Variants in MED13 observed in about 807,000 individuals in gnomAD.
MED13 encodes mediator of RNA polymerase II transcription subunit 13.
MED13 carries 23 observed loss-of-function variants against 225.2 expected under a neutral mutation model. The observed-to-expected ratio is 0.10, with a 90% confidence interval of 0.07 to 0.14. MED13 has a LOEUF of 0.14. MED13 is among the 10% of genes least tolerant of loss of function. MED13 has a pLI of 1.00. For missense variants in MED13, 2,197 were observed against 2,594.5 expected (o/e 0.85, Z 3.33); for synonymous variants, 942 against 889.2 (o/e 1.06, Z -1.06).
rs1213178456 is a variant in MED13 at position 61,956,427 on chromosome 17, C to A, written c.5535G>T (p.Glu1845Asp). Residue 1845 changes from glutamate to aspartate, a missense_variant, in exon 24 of 30, where the codon GAG (glutamate) becomes GAT (aspartate). Coordinates refer to ENST00000397786, the MANE Select transcript of MED13 (RefSeq NM_005121.3). ...ARKFGLQKLW[E>D]WCLGLVQMSS... The stretch of plus-strand genomic sequence containing the variant: ...TCATTTGTACAAGTCCTAAGCACCA[C>A]TCCCAAAGTTTCTGTAGACCAAATT... 1 of 1,613,594 alleles carries A rather than the reference C, an allele frequency of 6.2e-7. No individual in the cohort carries two copies. Among genetic ancestry groups the A allele is most frequent in the Admixed American group, 1.7e-5 (1 of 59,952 alleles).
intron 9 of MED13, chr17:62,005,456 AT>A (rs1330258526): frequency 1.3e-5 from 2 of 152,042 alleles, no homozygotes; most frequent in Non-Finnish European, 2.9e-5. Flanking sequence ...AAATACAAAA[AT>A]TATCTGATCG....
intron 3 of MED13, among the ~76,000 whole-genome samples, chr17:62,047,027 G>A (rs1160773076): frequency 2.3e-5 from 3 of 129,870 alleles, no homozygotes; most frequent in East Asian, 3.2e-4. Flanking sequence ...GTGCCACTGT[G>A]CCCAGCTTTT....
At chr17:62,045,232 G>C (rs2143729595) in intron 3 of MED13, among the ~76,000 whole-genome samples, 1 of 152,206 alleles carries the variant, frequency 6.6e-6, no homozygotes, top group Non-Finnish European at 1.5e-5. Context: ...TTCTTTACTA[G>C]TATGTTTCTA....
Position 62,032,787 on chromosome 17 carries a change from A to T in MED13, c.814+1000T>A, listed in dbSNP as rs1020073301. ...CTGCTATGAGATTAACATGTCCCAG[A>T]TGTGGGTACTTTGTTAACCTGGGTC... On this transcript the variant is annotated intron_variant, in intron 5 of 29. Transcript: ENST00000397786. 3.9e-5 allele frequency among the ~76,000 whole-genome samples: 6 copies of T among 152,306 alleles called. No individual in the cohort carries two copies. In the East Asian group the frequency reaches 1.2e-3, roughly 29 times the overall value.
intron 16 of MED13, among the ~76,000 whole-genome samples, chr17:61,975,897 T>A (rs2080151452): frequency 6.6e-6 from 1 of 152,126 alleles, no homozygotes. Context: ...GAGCCTGTAA[T>A]CCCAGTTACT....
intron 23 of MED13, among the ~76,000 whole-genome samples, chr17:61,958,721 C>T (rs1301141070): frequency 6.6e-6 from 1 of 152,136 alleles, no homozygotes; most frequent in Non-Finnish European, 1.5e-5. Flanking sequence ...GATCCGCCCA[C>T]CTTGCCCTCC....
At chr17:62,046,231 A>C (rs1603408586) in intron 3 of MED13, among the ~76,000 whole-genome samples, 2 of 152,232 alleles carry the variant, frequency 1.3e-5, no homozygotes, top group South Asian at 4.1e-4. Context: ...AATAACTTAA[A>C]GATAGACTTA....
chr17:62,037,955 C>CAAAAA lies in MED13; in HGVS notation c.471-2352_471-2348dup, dbSNP rs397857634. ...TGGGCAACAGAGTGAGACTTCATCT[C>CAAAAA]AAAAAAAAAAAAAAAAAAAAAAAAA... On this transcript the variant is annotated intron_variant, in intron 3 of 29. Transcript: ENST00000397786. Among the ~76,000 whole-genome samples, 514 of 64,750 alleles carry CAAAAA rather than the reference C, an allele frequency of 7.9e-3. 32 individuals carry two copies. Among genetic ancestry groups the CAAAAA allele is most frequent in the East Asian group, 0.021 (44 of 2,058 alleles). 42.5% of individuals were successfully genotyped at this position (64,750 alleles called of 152,430 possible). A position where few individuals can be genotyped will look rare whatever the true frequency, so the allele number is the denominator to read the frequency against.
chr17:62,015,860 A>AGT (rs1226381654), intron 8 of MED13, among the ~76,000 whole-genome samples: 4 of 93,358 alleles, frequency 4.3e-5, no homozygotes, highest in African/African-American at 1.8e-4. Flanking sequence ...ATATGTGTAT[A>AGT]GTGTGTATGT....
chr17:61,998,495 A>C (rs2080364533), intron 9 of MED13, among the ~76,000 whole-genome samples: 1 of 151,752 alleles, frequency 6.6e-6, no homozygotes, highest in African/African-American at 2.4e-5. Context: ...CTTCCAGATG[A>C]GGTATGACAG....
chr17:62,003,207 T>C (rs1043579686), intron 9 of MED13, among the ~76,000 whole-genome samples: 2 of 152,218 alleles, frequency 1.3e-5, no homozygotes, highest in African/African-American at 4.8e-5. Context: ...ATTCCATAAA[T>C]GCTTCTTAGT....
At chr17:62,008,513 T>C (rs575426548) in intron 9 of MED13, among the ~76,000 whole-genome samples, 2 of 152,076 alleles carry the variant, frequency 1.3e-5, no homozygotes, top group East Asian at 3.9e-4. Flanking sequence ...ACACATTTCT[T>C]CTGAAGATAC....
intron 19 of MED13, among the ~76,000 whole-genome samples, chr17:61,966,228 T>A (rs1405366881): frequency 6.6e-6 from 1 of 152,188 alleles, no homozygotes; most frequent in Non-Finnish European, 1.5e-5. Context: ...GATCCCTCAT[T>A]AGGGATCAGC....
intron 16 of MED13, among the ~76,000 whole-genome samples, chr17:61,977,608 C>A (rs1319703101): frequency 1.3e-5 from 2 of 152,066 alleles, no homozygotes; most frequent in East Asian, 3.9e-4. Context: ...CCCGCCACCA[C>A]GCCTGGCTAA....
chr17:61,948,445 G>T (rs1372764614), intron 28 of MED13, among the ~76,000 whole-genome samples: 1 of 152,076 alleles, frequency 6.6e-6, no homozygotes, highest in East Asian at 1.9e-4. Flanking sequence ...CTATTAACAG[G>T]TGTTAAATAA....
At chr17:62,003,599 C>CAAAAAAAAAAAAAAAAAAAAAAACAA (rs34451831) in intron 9 of MED13, 6 of 51,722 alleles carry the variant, frequency 1.2e-4, no homozygotes, top group Admixed American at 2.9e-4. Flanking sequence ...CAGCAAAACT[C>CAAAAAAAAAAAAAAAAAAAAAAACAA]AAAAAAAAAA....
chr17:62,033,749 T>C (rs766137091), intron 5 of MED13, 38 bp downstream of exon 5: 6 of 1,583,194 alleles, frequency 3.8e-6, no homozygotes, highest in Non-Finnish European at 5.2e-6. Flanking sequence ...CATACAATCA[T>C]GCATTTTCCC....
In MED13 at chr17:61,964,486, G is replaced by T. The variant is rs188226373; in HGVS notation, c.4844+520C>A. Among the ~76,000 whole-genome samples the T allele has an allele frequency of 3.3e-3, 502 of 152,178 alleles. 2 individuals are homozygous for T. Among genetic ancestry groups the T allele is most frequent in the East Asian group, 9.1e-3 (47 of 5,158 alleles). On this transcript the variant is annotated intron_variant, in intron 20 of 29. Transcript: ENST00000397786. ...AGGCTGAGGTGGGAGGATCACCTGA[G>T]CCCAGGAGGTCGAGGCTGCAGTGAG... is the stretch of plus-strand genomic sequence containing the variant.
chr17:62,009,722 G>A (rs2080488096), intron 9 of MED13, among the ~76,000 whole-genome samples: 2 of 152,064 alleles, frequency 1.3e-5, no homozygotes, highest in South Asian at 4.1e-4. Context: ...GCTTTTAGAT[G>A]TATTTCCTAA....
Sources: gnomAD v4.1 joint callset for allele counts (sites outside exome capture counted in the v4.1 genomes callset) on GRCh38, gnomAD v4.1.1 for gene constraint, MANE v1.5 for transcripts, NCBI Gene and HGNC (gene_info 2026-07-23, HGNC 2026-07-21) for gene names.